The following KCNJ15 variants were observed in gnomAD, a reference collection of about 807,000 sequenced individuals.
KCNJ15 encodes potassium inwardly rectifying channel subfamily J member 15.
In KCNJ15, 14 loss-of-function variants were observed where a neutral mutation model predicts 23.0. That is an observed-to-expected ratio of 0.61 (90% CI 0.40 to 0.95). The LOEUF is 0.95. KCNJ15 is among the 40% of genes least tolerant of loss of function. KCNJ15 has a pLI of 0.00. For missense variants in KCNJ15, 388 were observed against 461.8 expected (o/e 0.84, Z 1.46); for synonymous variants, 185 against 183.2 (o/e 1.01, Z -0.08).
Position 38,288,036 on chromosome 21 carries a change from T to TTTTTTTTTC in KCNJ15, c.-116-8882_-116-8881insCTTTTTTTT, listed in dbSNP as rs1569011059. On this transcript the variant is annotated intron_variant, in intron 1 of 2. Coordinates refer to ENST00000398938, the MANE Select transcript of KCNJ15 (RefSeq NM_170736.3). ...ATAACTTGTTTTTTTCTTTGTTTTT[T>TTTTTTTTTC]TTTTTTTTTTTTTTTTTTTTTTGAG... Among the ~76,000 whole-genome samples, 30 of 75,474 alleles carry TTTTTTTTTC rather than the reference T, an allele frequency of 4.0e-4. 4 individuals carry two copies. The highest frequency in any genetic ancestry group is 1.2e-3 in the South Asian group (2 of 1,610). The allele number at this position is 75,474 out of a possible 152,430, so 49.5% of individuals were successfully genotyped here.
At chr21:38,288,938 G>T (rs553094936) in intron 1 of KCNJ15, among the ~76,000 whole-genome samples, 1 of 152,106 alleles carries the variant, frequency 6.6e-6, no homozygotes, top group South Asian at 2.1e-4. Flanking sequence ...GGTGGCTCAC[G>T]CCTGTAATCT....
intron 1 of KCNJ15, among the ~76,000 whole-genome samples, chr21:38,275,733 A>G (rs1345008876): frequency 6.6e-6 from 1 of 152,128 alleles, no homozygotes; most frequent in Non-Finnish European, 1.5e-5. Flanking sequence ...CATGGTTGAA[A>G]GTCGCTGATA....
rs112374287 is a variant in KCNJ15 at position 38,304,980 on chromosome 21, T to C, written c.*4591T>C. The C allele has an allele frequency of 0.1, 14,932 of 147,668 alleles. 2,106 individuals carry two copies. The highest frequency in any genetic ancestry group is 0.32 in the African/African-American group (12,830 of 40,156). The allele number at this position is 147,668 out of a possible 1,614,324, so 9.1% of individuals were successfully genotyped here. A position where few individuals can be genotyped will look rare whatever the true frequency, so the allele number is the denominator to read the frequency against. On this transcript the variant is annotated 3_prime_UTR_variant, in exon 3 of 3. Transcript: ENST00000398938. Reference sequence around the variant, plus strand: ...CTGTAATCCCAGCTACTCAGGAGACTGAGGCAGGAGATTCGCTTGAACCCG... The same window carrying C: ...CTGTAATCCCAGCTACTCAGGAGACCGAGGCAGGAGATTCGCTTGAACCCG...
intron 1 of KCNJ15, among the ~76,000 whole-genome samples, chr21:38,296,204 A>G (rs1985134979): frequency 6.6e-6 from 1 of 152,200 alleles, no homozygotes; most frequent in Admixed American, 6.5e-5. Flanking sequence ...TAGATAGATA[A>G]TTGATAGATA....
chr21:38,255,166 C>A (rs1252912975), upstream of KCNJ15, among the ~76,000 whole-genome samples: 1 of 152,108 alleles, frequency 6.6e-6, no homozygotes, highest in Non-Finnish European at 1.5e-5. Flanking sequence ...GGATCAGGAC[C>A]AGATCAGATA....
At chr21:38,238,380 A>C in intron 1 of KCNJ15, 1 of 714,814 alleles carries the variant, frequency 1.4e-6, no homozygotes, top group Non-Finnish European at 2.6e-6. Context: ...AGGGGTCCCC[A>C]TCAGCCAGAA....
chr21:38,260,305 C>T (rs541505277), intron 1 of KCNJ15, among the ~76,000 whole-genome samples: 2 of 152,334 alleles, frequency 1.3e-5, no homozygotes, highest in South Asian at 4.1e-4. Context: ...GATCTCCACT[C>T]ATCGTAATGC....
At chr21:38,249,304 G>C (rs963384700) in intron 1 of KCNJ15, among the ~76,000 whole-genome samples, 19 of 152,266 alleles carry the variant, frequency 1.2e-4, no homozygotes, top group African/African-American at 4.6e-4. Context: ...TCTGATGTGC[G>C]TACTAGGTGA....
chr21:38,250,937 G>A (rs796889052), intron 1 of KCNJ15, among the ~76,000 whole-genome samples: 3 of 152,276 alleles, frequency 2.0e-5, no homozygotes, highest in African/African-American at 7.2e-5. Context: ...AGACGTGTCT[G>A]GCCATCTGGT....
At chr21:38,247,225 AATGG>A (rs753984994) in intron 1 of KCNJ15, among the ~76,000 whole-genome samples, 70 of 120,810 alleles carry the variant, frequency 5.8e-4, no homozygotes, top group Non-Finnish European at 9.8e-4. Context: ...TGGATGGATA[AATGG>A]ATTGATGGAT....
At chr21:38,269,785 A>G (rs1003145251) in intron 1 of KCNJ15, among the ~76,000 whole-genome samples, 5 of 152,294 alleles carry the variant, frequency 3.3e-5, no homozygotes, top group Non-Finnish European at 5.9e-5. Flanking sequence ...GCACGAGGAG[A>G]GCACAAAGTG....
chr21:38,231,204 G>A lies in KCNJ15; in HGVS notation c.-398-25842G>A, dbSNP rs570870550. ...TGTTCCCAAGTATCTTATTCTTTTT[G>A]GATGTTATAAATAAAATTGCTTTCT... is the stretch of plus-strand genomic sequence containing the variant. On this transcript the variant is annotated intron_variant, in intron 1 of 4. Coordinates refer to the KCNJ15 transcript ENST00000547341. 3.3e-5 allele frequency among the ~76,000 whole-genome samples: 5 copies of A among 151,794 alleles called. No homozygotes were observed. The South Asian group carries it at 6.2e-4, about 19-fold the overall frequency.
intron 1 of KCNJ15, among the ~76,000 whole-genome samples, chr21:38,294,283 A>G (rs2836295): frequency 0.1 from 15,275 of 152,210 alleles, 2,177 homozygotes; most frequent in African/African-American, 0.32. Flanking sequence ...TCTTACAAAC[A>G]GGAAGCTATG....
chr21:38,266,611 T>C (rs1338675199), intron 1 of KCNJ15, among the ~76,000 whole-genome samples: 1 of 152,232 alleles, frequency 6.6e-6, no homozygotes, highest in East Asian at 1.9e-4. Context: ...AGTGCTGCAA[T>C]AAGCATATGT....
At chr21:38,267,574 C>G (rs534781119) in intron 1 of KCNJ15, among the ~76,000 whole-genome samples, 2 of 152,240 alleles carry the variant, frequency 1.3e-5, no homozygotes, top group East Asian at 3.9e-4. Context: ...ACAGTAGGAA[C>G]TTTCTGAGGA....
At chr21:38,288,678 T>C (rs1392530478) in intron 1 of KCNJ15, among the ~76,000 whole-genome samples, 2 of 152,164 alleles carry the variant, frequency 1.3e-5, no homozygotes, top group South Asian at 2.1e-4. Flanking sequence ...GTGGTAAAAA[T>C]TGGCAGACTC....
At chr21:38,288,018 G>GTTTTT (rs1395005811) in intron 1 of KCNJ15, among the ~76,000 whole-genome samples, 15 of 26,016 alleles carry the variant, frequency 5.8e-4, no homozygotes, top group South Asian at 1.8e-3. Flanking sequence ...TAAATAACTT[G>GTTTTT]TTTTTTTCTT....
At chr21:38,291,433 A>G (rs1437915397) in intron 1 of KCNJ15, among the ~76,000 whole-genome samples, 1 of 152,234 alleles carries the variant, frequency 6.6e-6, no homozygotes, top group Non-Finnish European at 1.5e-5. Context: ...CCAAGACATT[A>G]CACCCGAATT....
chr21:38,299,462 C>T lies in KCNJ15; in HGVS notation c.201C>T (p.Leu67=), dbSNP rs749728080. 1 of 1,614,192 alleles carries T rather than the reference C, an allele frequency of 6.2e-7. No homozygotes were observed. The highest frequency in any genetic ancestry group is 1.1e-5 in the South Asian group (1 of 91,080). ...TVIDMKWRYK[L]TLFAATFVMT... is the part of the protein sequence containing the mutation. ...TCGACATGAAGTGGAGATACAAACT[C>T]ACCCTGTTCGCTGCCACTTTTGTGA... The change falls in exon 3 of 3, where the codon CTC becomes CTT. Residue 67 remains leucine, a synonymous_variant. Transcript: ENST00000398938. The surrounding 1 kb of genome is among the most constrained non-coding windows in gnomAD (Gnocchi z 4.5).
Sources: allele counts gnomAD v4.1 joint callset (sites outside exome capture counted in the v4.1 genomes callset), GRCh38; gene constraint gnomAD v4.1.1; non-coding constraint Gnocchi (gnomAD v3.1); transcripts MANE v1.5; gene names NCBI Gene and HGNC (gene_info 2026-07-23, HGNC 2026-07-21).